CDKL2: variants seen among roughly 807,000 people sequenced by gnomAD.
CDKL2 encodes cyclin-dependent kinase-like 2.
In CDKL2, 64 loss-of-function variants were observed where a neutral mutation model predicts 63.9. The ratio of observed to expected loss-of-function variants is 1.00; its 90% CI spans 0.82 to 1.23. The LOEUF (loss-of-function observed/expected upper bound fraction) is 1.23. CDKL2 is among the 50% of genes most tolerant of loss of function. The probability of loss-of-function intolerance (pLI) is 0.00; values close to 1 mark genes in which losing one functional copy is unlikely to be tolerated. For missense variants in CDKL2, 656 were observed against 668.0 expected, an observed-to-expected ratio of 0.98 and a Z score of 0.20; for synonymous variants, 211 against 229.2, an observed-to-expected ratio of 0.92 and a Z score of 0.72.
At chr4:75,602,170 T>TTG (rs1553929235) in intron 6 of CDKL2, among the ~76,000 whole-genome samples, 8 of 151,790 alleles carry the variant, frequency 5.3e-5, no homozygotes, top group Non-Finnish European at 8.8e-5. Context: ...TTGTTTTTTT[T>TTG]TTGTTGTTGT....
At chr4:75,597,865 T>C (rs1181751741) in intron 8 of CDKL2, among the ~76,000 whole-genome samples, 1 of 152,226 alleles carries the variant, frequency 6.6e-6, no homozygotes, top group African/African-American at 2.4e-5. Context: ...TTAAGCACTG[T>C]TGCACAGTCT....
intron 12 of CDKL2, among the ~76,000 whole-genome samples, chr4:75,591,407 G>T (rs1728708894): frequency 6.6e-6 from 1 of 152,104 alleles, no homozygotes; most frequent in Non-Finnish European, 1.5e-5. Context: ...GACCAGCCCA[G>T]GCAACATAGC....
chr4:75,592,975 A>C (rs909923322), intron 10 of CDKL2, among the ~76,000 whole-genome samples: 1 of 152,246 alleles, frequency 6.6e-6, no homozygotes, highest in Non-Finnish European at 1.5e-5. Flanking sequence ...CGAGAATCAC[A>C]GAAAGCCTGT....
intron 3 of CDKL2, among the ~76,000 whole-genome samples, chr4:75,612,825 C>T (rs1038156703): frequency 1.3e-5 from 2 of 152,164 alleles, no homozygotes; most frequent in Non-Finnish European, 2.9e-5. Flanking sequence ...AATTAGGTTT[C>T]TCAAAATAGA....
chr4:75,602,533 T>G (rs920444373), intron 6 of CDKL2, among the ~76,000 whole-genome samples: 5 of 151,836 alleles, frequency 3.3e-5, no homozygotes, highest in Admixed American at 1.3e-4. Context: ...ATTTATTTAT[T>G]TATTTAAAGA....
At position 75,585,231 on chromosome 4, in the gene CDKL2, G is replaced by A. The variant is rs1728424129; in HGVS notation, c.1648-3333C>T. Among the ~76,000 whole-genome samples the A allele has an allele frequency of 3.3e-5, 5 of 152,074 alleles. No individual in the cohort carries two copies. In the South Asian group the frequency reaches 1.0e-3, roughly 32 times the overall value. ...ATTTCATAATGAGAAAAGGTACAAT[G>A]TATCAGAAAGACAAGACAATTATGT... On this transcript the variant is annotated intron_variant, in intron 12 of 13. Coordinates refer to ENST00000307465, the MANE Select transcript of CDKL2 (RefSeq NM_001330724.2).
At chr4:75,598,043 T>G in intron 8 of CDKL2, 34 bp downstream of exon 8, 16 of 1,332,608 alleles carry the variant, frequency 1.2e-5, no homozygotes, top group Non-Finnish European at 1.6e-5. Context: ...AAAATAAGTA[T>G]ATTAAATCTA....
In CDKL2 at chr4:75,577,026, CTTAT is replaced by C. The variant is rs1465081400; in HGVS notation, c.*2172_*2175del. Among the ~76,000 whole-genome samples, 1 of 152,138 alleles carries C rather than the reference CTTAT, an allele frequency of 6.6e-6. No homozygotes were observed. Among genetic ancestry groups the C allele is most frequent in the Non-Finnish European group, 1.5e-5 (1 of 68,012 alleles). ...TCCAGAAGAATTAACAGATTTAAAA[CTTAT>C]TTGTTAAATACCATACAGTAGTGTA... On this transcript the variant is annotated 3_prime_UTR_variant, in exon 14 of 14. Transcript: ENST00000307465.
At chr4:75,604,288 C>A (rs1339953688) in intron 5 of CDKL2, among the ~76,000 whole-genome samples, 1 of 152,174 alleles carries the variant, frequency 6.6e-6, no homozygotes, top group Non-Finnish European at 1.5e-5. Flanking sequence ...TAAATCAGTT[C>A]TCCCCTTTAA....
At chr4:75,591,742 A>T in intron 12 of CDKL2, 77 bp downstream of exon 12, 1 of 934,312 alleles carries the variant, frequency 1.1e-6, no homozygotes, top group Non-Finnish European at 1.6e-6. Context: ...TTAAGAGCAA[A>T]CTCTCCCTAA....
intron 2 of CDKL2, among the ~76,000 whole-genome samples, chr4:75,623,767 ATAT>A (rs1423521003): frequency 1.3e-5 from 2 of 152,200 alleles, no homozygotes; most frequent in African/African-American, 2.4e-5. Context: ...TAAAAGGGAA[ATAT>A]TATCAAACAG....
intron 4 of CDKL2, among the ~76,000 whole-genome samples, chr4:75,606,350 G>T (rs867657024): frequency 3.5e-4 from 53 of 152,038 alleles, no homozygotes; most frequent in South Asian, 4.1e-4. Context: ...AAGTAGCTGG[G>T]ATTACAGGTG....
At position 75,600,455 on chromosome 4, in the gene CDKL2, T is replaced by A. The variant is rs1193795672; in HGVS notation, c.796-86A>T. The A allele has an allele frequency of 3.4e-6, 3 of 888,772 alleles. No homozygotes were observed. In the East Asian group the frequency reaches 8.4e-5, roughly 25 times the overall value. 55.1% of individuals were successfully genotyped at this position (888,772 alleles called of 1,614,324 possible). ...AAATATAGAAAAAAAATCCTCTTTA[T>A]AGTCAACGATTTTTTTTTTTAAGAC... On this transcript the variant is annotated intron_variant, in intron 6 of 13. Coordinates refer to ENST00000307465, the MANE Select transcript of CDKL2 (RefSeq NM_001330724.2).
At chr4:75,582,784 G>A (rs1354585865) in intron 12 of CDKL2, among the ~76,000 whole-genome samples, 1 of 152,070 alleles carries the variant, frequency 6.6e-6, no homozygotes, top group African/African-American at 2.4e-5. Context: ...AATCTTGAAA[G>A]CAGCTAGAGG....
chr4:75,621,502 C>CTATATCCTGAG (rs1233856854), intron 2 of CDKL2, among the ~76,000 whole-genome samples: 1 of 152,034 alleles, frequency 6.6e-6, no homozygotes, highest in Non-Finnish European at 1.5e-5. Context: ...ACCCTGAATG[C>CTATATCCTGAG]TATATCCTGA....
In CDKL2 at chr4:75,613,528, T is replaced by C. The variant is rs1056101720; in HGVS notation, c.363+727A>G. On this transcript the variant is annotated intron_variant, in intron 3 of 13. Coordinates refer to ENST00000307465, the MANE Select transcript of CDKL2 (RefSeq NM_001330724.2). ...CAAAATCTATGTGTTGAGCTATTCATTTATACTTTATAGGTATCATTCTTC... is the reference window on the plus strand; with the variant it reads ...CAAAATCTATGTGTTGAGCTATTCACTTATACTTTATAGGTATCATTCTTC... 2.0e-5 allele frequency among the ~76,000 whole-genome samples: 3 copies of C among 152,236 alleles called. No individual in the cohort carries two copies. In the East Asian group the frequency reaches 5.8e-4, roughly 29 times the overall value.
chr4:75,594,602 C>A (rs553229242), intron 10 of CDKL2, among the ~76,000 whole-genome samples: 129 of 150,924 alleles, frequency 8.5e-4, no homozygotes, highest in Non-Finnish European at 1.6e-3. Context: ...CAGGTAAATG[C>A]AATGGAAAAA....
chr4:75,610,741 A>T (rs1027323295), intron 3 of CDKL2, among the ~76,000 whole-genome samples: 7 of 152,202 alleles, frequency 4.6e-5, no homozygotes, highest in Admixed American at 3.9e-4. Context: ...AGATACATTT[A>T]AAAATGAATA....
At chr4:75,605,092 G>A (rs530110509) in intron 5 of CDKL2, among the ~76,000 whole-genome samples, 17 of 152,324 alleles carry the variant, frequency 1.1e-4, no homozygotes, top group South Asian at 2.1e-4. Flanking sequence ...GGTGGCTCAC[G>A]CCTGTAATCC....
Sources: allele counts gnomAD v4.1 joint callset (sites outside exome capture counted in the v4.1 genomes callset), GRCh38; gene constraint gnomAD v4.1.1; transcripts MANE v1.5; gene names NCBI Gene and HGNC (gene_info 2026-07-23, HGNC 2026-07-21).